PINX1: variants seen among roughly 807,000 people sequenced by gnomAD.
PINX1 encodes the protein PIN2/TERF1-interacting telomerase inhibitor 1.
In PINX1, 34 loss-of-function variants were observed where a neutral mutation model predicts 25.4. The observed-to-expected ratio is 1.34, with a 90% CI of 1.02 to 1.78. The LOEUF is 1.78. Ranked by LOEUF, PINX1 falls within the 40% of genes most tolerant of loss-of-function variation. The pLI, the probability that PINX1 is intolerant of heterozygous loss-of-function variation, is 0.00. For missense variants in PINX1, 592 were observed against 404.9 expected, an observed-to-expected ratio of 1.46 and a Z score of -3.97; for synonymous variants, 197 against 147.7, an observed-to-expected ratio of 1.33 and a Z score of -2.42.
rs1005531055 is a variant in PINX1, at chr8:10,805,119, G to T, written c.471+15074C>A. On this transcript the variant is annotated intron_variant, in intron 6 of 6. Coordinates refer to ENST00000314787, the MANE Select transcript of PINX1 (RefSeq NM_017884.6). ...AAGGCAAATGCAATAGGTGAGGCCT[G>T]TCTCTCCTGGCAGAACACCTCACAT... Among the ~76,000 whole-genome samples, 9 of 152,206 alleles carry T rather than the reference G, an allele frequency of 5.9e-5. 1 individual carries two copies. The highest frequency in any genetic ancestry group is 5.9e-5 in the Non-Finnish European group (4 of 68,036).
At chr8:10,778,154 G>T (rs1237818329) in intron 6 of PINX1, among the ~76,000 whole-genome samples, 2 of 151,918 alleles carry the variant, frequency 1.3e-5, no homozygotes, top group African/African-American at 4.8e-5. Flanking sequence ...ATAACTCTTG[G>T]AAAAAAACCT....
intron 6 of PINX1, among the ~76,000 whole-genome samples, chr8:10,809,870 G>C (rs1453350051): frequency 2.0e-5 from 3 of 152,238 alleles, no homozygotes; most frequent in Non-Finnish European, 4.4e-5. Context: ...AGAAATACGT[G>C]AGGCTGGGTA....
At chr8:10,805,097 G>A (rs1802397718) in intron 6 of PINX1, among the ~76,000 whole-genome samples, 1 of 152,110 alleles carries the variant, frequency 6.6e-6, no homozygotes, top group African/African-American at 2.4e-5. Flanking sequence ...ACTAAGAAAG[G>A]CAAATGCAAT....
At chr8:10,836,711 C>G (rs1038389301) in intron 1 of PINX1, among the ~76,000 whole-genome samples, 2 of 152,086 alleles carry the variant, frequency 1.3e-5, no homozygotes, top group African/African-American at 4.8e-5. Flanking sequence ...TGGCAGTTTC[C>G]CATTGAAAAT....
At chr8:10,767,313 G>T (rs868741446) in intron 6 of PINX1, among the ~76,000 whole-genome samples, 1 of 152,038 alleles carries the variant, frequency 6.6e-6, no homozygotes, top group Non-Finnish European at 1.5e-5. Flanking sequence ...TAATGTCCCA[G>T]TTGCAGTTCC....
rs187991675 is a variant in PINX1 at position 10,788,801 on chromosome 8, G to A, written c.472-22885C>T. Among the ~76,000 whole-genome samples, 295 of 152,290 alleles carry A rather than the reference G, an allele frequency of 1.9e-3. 5 individuals carry two copies. Among genetic ancestry groups the A allele is most frequent in the Non-Finnish European group, 3.0e-3 (207 of 68,024 alleles). The stretch of plus-strand genomic sequence containing the variant: ...GGCAGAAAGGTGACCCCATCTGTGC[G>A]CTGACTCAGACAGCAAAGCGGTGGG... On this transcript the variant is annotated intron_variant, in intron 6 of 6. Coordinates refer to ENST00000314787, the MANE Select transcript of PINX1 (RefSeq NM_017884.6).
chr8:10,823,956 A>G (rs1045731027), intron 5 of PINX1, among the ~76,000 whole-genome samples: 3 of 152,364 alleles, frequency 2.0e-5, no homozygotes, highest in Non-Finnish European at 4.4e-5. Flanking sequence ...GTACAATTGC[A>G]TCTTCCTGTT....
rs370032818 is a variant in PINX1, at chr8:10,826,258, GA to G, written c.302-15del. On this transcript the variant is annotated splice_polypyrimidine_tract_variant and intron_variant, in intron 4 of 6. Coordinates refer to ENST00000314787, the MANE Select transcript of PINX1 (RefSeq NM_017884.6). ...TGTCCGAGGAATCTTTAAAAAAGAT[GA>G]AAAAAATACATTAAAGTCTTTCTAA... The G allele has an allele frequency of 4.4e-6, 6 of 1,362,736 alleles. No homozygotes were observed. Among genetic ancestry groups the G allele is most frequent in the East Asian group, 2.3e-5 (1 of 43,180 alleles). 84.4% of individuals were successfully genotyped at this position (1,362,736 alleles called of 1,614,324 possible). A position where few individuals can be genotyped will look rare whatever the true frequency, so the allele number is the denominator to read the frequency against.
At chr8:10,823,092 G>C (rs1586197407) in intron 5 of PINX1, among the ~76,000 whole-genome samples, 1 of 152,146 alleles carries the variant, frequency 6.6e-6, no homozygotes, top group African/African-American at 2.4e-5. Context: ...GACCTACCAG[G>C]TGCTACCTGA....
chr8:10,814,086 G>C (rs978416108), intron 6 of PINX1, among the ~76,000 whole-genome samples: 1 of 152,066 alleles, frequency 6.6e-6, no homozygotes, highest in African/African-American at 2.4e-5. Context: ...AGGGGCCCTG[G>C]GAATCTCAAT....
intron 6 of PINX1, among the ~76,000 whole-genome samples, chr8:10,773,338 G>C (rs776793292): frequency 6.6e-5 from 10 of 152,236 alleles, no homozygotes; most frequent in Non-Finnish European, 1.5e-4. Context: ...AACTGTGTCA[G>C]CAAGCAGCAG....
At chr8:10,800,479 T>C (rs7817654) in intron 6 of PINX1, among the ~76,000 whole-genome samples, 28,370 of 151,926 alleles carry the variant, frequency 0.19, 2,942 homozygotes, top group Non-Finnish European at 0.23. Flanking sequence ...ACTTTTTTTT[T>C]TTTTTTTTGA....
intron 6 of PINX1, among the ~76,000 whole-genome samples, chr8:10,789,168 C>T (rs1256044004): frequency 6.6e-6 from 1 of 152,194 alleles, no homozygotes; most frequent in Admixed American, 6.5e-5. Context: ...CTCCCACCTT[C>T]TCCAAGGCTG....
intron 6 of PINX1, among the ~76,000 whole-genome samples, chr8:10,809,117 G>C (rs1245553298): frequency 6.6e-6 from 1 of 152,174 alleles, no homozygotes; most frequent in Non-Finnish European, 1.5e-5. Flanking sequence ...GCTAATGTTT[G>C]GTCTCTAATG....
At chr8:10,789,354 C>T (rs1336805544) in intron 6 of PINX1, among the ~76,000 whole-genome samples, 3 of 152,218 alleles carry the variant, frequency 2.0e-5, no homozygotes, top group African/African-American at 4.8e-5. Context: ...TTTTGACCTA[C>T]ATATACATAG....
intron 4 of PINX1, among the ~76,000 whole-genome samples, chr8:10,827,569 T>A (rs1294453849): frequency 6.6e-6 from 1 of 151,902 alleles, no homozygotes; most frequent in African/African-American, 2.4e-5. Context: ...GAGACTAAAT[T>A]TTCCTACAGT....
At chr8:10,835,294 G>A (rs1372148939) in intron 1 of PINX1, among the ~76,000 whole-genome samples, 2 of 152,204 alleles carry the variant, frequency 1.3e-5, no homozygotes, top group East Asian at 3.8e-4. Context: ...CAACGAGTGT[G>A]GATAGTACCA....
Position 10,787,940 on chromosome 8 carries a change from TAA to T in PINX1, c.472-22026_472-22025del, listed in dbSNP as rs1801803111. ...GTTAGATTCAAATACATATTCAAAG[TAA>T]AAAGTTATTAGACAACTGGGGAAAC... On this transcript the variant is annotated intron_variant, in intron 6 of 6. Transcript: ENST00000314787. 3 of 380,846 alleles carry T rather than the reference TAA, an allele frequency of 7.9e-6. No individual in the cohort carries two copies. In the Admixed American group the frequency reaches 1.0e-4, roughly 13 times the overall value. The allele number at this position is 380,846 out of a possible 1,614,324, so 23.6% of individuals were successfully genotyped here. A position where few individuals can be genotyped will look rare whatever the true frequency, so the allele number is the denominator to read the frequency against.
At chr8:10,807,410 T>C (rs1272657805) in intron 6 of PINX1, among the ~76,000 whole-genome samples, 1 of 130,284 alleles carries the variant, frequency 7.7e-6, no homozygotes, top group African/African-American at 3.0e-5. Flanking sequence ...AAGATGTCAG[T>C]GCTTCAACTA....
Sources: gnomAD v4.1 joint callset for allele counts (sites outside exome capture counted in the v4.1 genomes callset) on GRCh38, gnomAD v4.1.1 for gene constraint, MANE v1.5 for transcripts, NCBI Gene and HGNC (gene_info 2026-07-23, HGNC 2026-07-21) for gene names.